OR4L1: variants seen among roughly 807,000 people sequenced by gnomAD.
The protein encoded by OR4L1 is olfactory receptor family 4 subfamily L member 1, also known as olfactory receptor 4L1.
For synonymous variants in OR4L1, 156 were observed against 135.3 expected (o/e 1.15, Z -1.06); for missense variants, 446 against 368.5 (o/e 1.21, Z -1.72).
chr14:20,060,870 A>G lies in OR4L1; in HGVS notation c.826A>G (p.Thr276Ala), dbSNP rs756572074. 6.8e-6 allele frequency: 11 copies of G among 1,609,650 alleles called. No individual in the cohort carries two copies. Among genetic ancestry groups the G allele is most frequent in the Non-Finnish European group, 1.7e-6 (2 of 1,177,508 alleles). ...ASNKTLAVFY[T>A]VITPLLNPSI... ...CAATAAAACTCTTGCCGTATTTTAT[A>G]CAGTTATCACACCCTTACTGAATCC... Residue 276 changes from threonine to alanine, a missense_variant, in exon 1 of 1, where the codon ACA (threonine) becomes GCA (alanine). By Grantham distance (58) the Thr-to-Ala change is moderately conservative. Transcript: ENST00000315683.
Position 20,060,231 on chromosome 14 carries a change from C to A in OR4L1, c.187C>A (p.Leu63Ile). ...STLHSPLYFL[L>I]GNLSFLDMCL... ...CCTTCATTCTCCCTTGTACTTTCTC[C>A]TTGGAAATCTCTCTTTTTTGGACAT... Residue 63 changes from leucine (L) to isoleucine (I), a missense_variant, in exon 1 of 1, where the codon CTT becomes ATT. Transcript: ENST00000315683. The A allele has an allele frequency of 6.2e-7, 1 of 1,606,862 alleles. No individual in the cohort carries two copies. Among genetic ancestry groups the A allele is most frequent in the Admixed American group, 1.7e-5 (1 of 59,190 alleles).
chr14:20,060,905 T>C lies in OR4L1; in HGVS notation c.861T>C (p.Tyr287=). The C allele has an allele frequency of 6.3e-7, 1 of 1,594,006 alleles. No individual in the cohort carries two copies. The highest frequency in any genetic ancestry group is 8.5e-7 in the Non-Finnish European group (1 of 1,173,300). The change falls in exon 1 of 1, where the codon TAT becomes TAC. Residue 287 remains tyrosine, a synonymous_variant. Transcript: ENST00000315683. ...VITPLLNPSI[Y]TLRNKKMQEA... Reference sequence around the variant, plus strand: ...CACCCTTACTGAATCCGAGTATTTATACCCTGAGAAATAAGAAAATGCAAG... The same window carrying C: ...CACCCTTACTGAATCCGAGTATTTACACCCTGAGAAATAAGAAAATGCAAG...
chr14:20,060,414 G>A lies in OR4L1; in HGVS notation c.370G>A (p.Val124Ile). The A allele has an allele frequency of 6.2e-7, 1 of 1,611,132 alleles. No individual in the cohort carries two copies. The highest frequency in any genetic ancestry group is 8.5e-7 in the Non-Finnish European group (1 of 1,178,798). Residue 124 changes from valine to isoleucine, a missense_variant, in exon 1 of 1, where the codon GTA (valine) becomes ATA (isoleucine). Coordinates refer to ENST00000315683, the MANE Select transcript of OR4L1 (RefSeq NM_001004717.1). ...LLIIMAFDRYVAICKPLHYRT... is the reference protein window; with the variant it reads ...LLIIMAFDRYIAICKPLHYRT... The stretch of plus-strand genomic sequence containing the variant: ...GATAATCATGGCCTTTGACAGGTAT[G>A]TAGCCATATGTAAACCCCTGCACTA...
Position 20,060,412 on chromosome 14 carries a change from A to G in OR4L1, c.368A>G (p.Tyr123Cys). 1.2e-6 allele frequency: 2 copies of G among 1,610,998 alleles called. No homozygotes were observed. The highest frequency in any genetic ancestry group is 1.7e-5 in the Admixed American group (1 of 59,564). Reference sequence around the variant, plus strand: ...CTGATAATCATGGCCTTTGACAGGTATGTAGCCATATGTAAACCCCTGCAC... The same window carrying G: ...CTGATAATCATGGCCTTTGACAGGTGTGTAGCCATATGTAAACCCCTGCAC... ...TLLIIMAFDR[Y>C]VAICKPLHYR... The change falls in exon 1 of 1, where the codon TAT becomes TGT. Residue 123 changes from tyrosine (Y) to cysteine (C), a missense_variant. Transcript: ENST00000315683.
At position 20,060,610 on chromosome 14, in the gene OR4L1, G is replaced by A. The variant is rs756284686; in HGVS notation, c.566G>A (p.Cys189Tyr). The change falls in exon 1 of 1, where the codon TGC (cysteine) becomes TAC (tyrosine). Residue 189 changes from cysteine to tyrosine, a missense_variant. Physicochemically the swap from Cys to Tyr is radical, Grantham distance 194. Coordinates refer to ENST00000315683, the MANE Select transcript of OR4L1 (RefSeq NM_001004717.1). ...CDLPLVIKLA[C>Y]IETYTLELFV... Reference sequence around the variant, plus strand: ...CTTCCCCTTGTGATCAAGCTTGCTTGCATTGAAACATACACCCTGGAATTA... The same window carrying A: ...CTTCCCCTTGTGATCAAGCTTGCTTACATTGAAACATACACCCTGGAATTA... 3.1e-6 allele frequency: 5 copies of A among 1,613,416 alleles called. No individual in the cohort carries two copies. Among genetic ancestry groups the A allele is most frequent in the Non-Finnish European group, 4.2e-6 (5 of 1,179,642 alleles).
At position 20,060,244 on chromosome 14, in the gene OR4L1, C is replaced by T. The variant is rs771019426; in HGVS notation, c.200C>T (p.Ser67Phe). 1.2e-6 allele frequency: 2 copies of T among 1,607,678 alleles called. No individual in the cohort carries two copies. The highest frequency in any genetic ancestry group is 1.7e-6 in the Non-Finnish European group (2 of 1,176,180). The change falls in exon 1 of 1, where the codon TCT becomes TTT. Residue 67 changes from serine to phenylalanine, a missense_variant. Transcript: ENST00000315683. The part of the protein sequence containing the change: ...SPLYFLLGNL[S>F]FLDMCLSTAT... The stretch of plus-strand genomic sequence containing the variant: ...TTGTACTTTCTCCTTGGAAATCTCT[C>T]TTTTTTGGACATGTGTCTCTCCACT...
At position 20,060,139 on chromosome 14, in the gene OR4L1, C is replaced by T. The variant is rs752850880; in HGVS notation, c.95C>T (p.Ser32Phe). The T allele has an allele frequency of 8.8e-6, 14 of 1,594,346 alleles. No homozygotes were observed. The African/African-American group carries it at 1.5e-4, about 17-fold the overall frequency. Residue 32 changes from serine (S) to phenylalanine (F), a missense_variant, in exon 1 of 1, where the codon TCC becomes TTC. By Grantham distance (155) the Ser-to-Phe change is radical. Transcript: ENST00000315683. ...CAAATTTTCTTCTTTGTGACATTTT[C>T]CCTGATCTACGGTGCTACTGTGATG... Reference protein sequence around the residue: ...ELQIFFFVTFSLIYGATVMGN... With the variant: ...ELQIFFFVTFFLIYGATVMGN...
At position 20,060,652 on chromosome 14, in the gene OR4L1, G is replaced by A; in HGVS notation, c.608G>A (p.Ser203Asn). The A allele has an allele frequency of 6.2e-7, 1 of 1,613,872 alleles. No individual in the cohort carries two copies. The change falls in exon 1 of 1, where the codon AGC (serine) becomes AAC (asparagine). Residue 203 changes from serine (S) to asparagine (N), a missense_variant. Physicochemically the swap from Ser to Asn is conservative, Grantham distance 46. Transcript: ENST00000315683. The part of the protein sequence containing the change: ...YTLELFVIAD[S>N]GLLSFTCFIL... ...CTGGAATTATTTGTCATTGCTGACA[G>A]CGGGCTGCTCTCTTTCACCTGTTTC...
Position 20,060,782 on chromosome 14 carries a change from G to C in OR4L1, c.738G>C (p.Val246=). The C allele has an allele frequency of 6.2e-7, 1 of 1,612,322 alleles. No homozygotes were observed. Among genetic ancestry groups the C allele is most frequent in the Non-Finnish European group, 8.5e-7 (1 of 1,179,284 alleles). Residue 246 remains valine, a synonymous_variant, in exon 1 of 1, where the codon GTG becomes GTC. Transcript: ENST00000315683. ...ALSTLSAHII[V]VTLFFGPCIF... ...CCACATTGTCTGCCCACATCATTGTGGTCACTCTGTTCTTTGGACCTTGTA... is the reference window on the plus strand; with the variant it reads ...CCACATTGTCTGCCCACATCATTGTCGTCACTCTGTTCTTTGGACCTTGTA...
chr14:20,060,930 G>A lies in OR4L1; in HGVS notation c.886G>A (p.Glu296Lys), dbSNP rs142212584. The A allele has an allele frequency of 2.4e-5, 38 of 1,576,288 alleles. No individual in the cohort carries two copies. In the African/African-American group the frequency reaches 4.9e-4, roughly 20 times the overall value. Reference protein sequence around the residue: ...IYTLRNKKMQEAIRKLRFQYV... With the variant: ...IYTLRNKKMQKAIRKLRFQYV... ...TACCCTGAGAAATAAGAAAATGCAA[G>A]AGGCCATAAGAAAATTACGGTTCCA... The change falls in exon 1 of 1, where the codon GAG (glutamate) becomes AAG (lysine). Residue 296 changes from glutamate to lysine, a missense_variant. By Grantham distance (56) the Glu-to-Lys change is moderately conservative. Coordinates refer to ENST00000315683, the MANE Select transcript of OR4L1 (RefSeq NM_001004717.1).
At position 20,060,512 on chromosome 14, in the gene OR4L1, C is replaced by T; in HGVS notation, c.468C>T (p.Ser156=). Residue 156 remains serine, a synonymous_variant, in exon 1 of 1, where the codon TCC becomes TCT. Transcript: ENST00000315683. The part of the protein sequence containing the change: ...ILSWIIGFLH[S]ISQIVLTMNL... ...CATGGATAATTGGTTTTTTACACTC[C>T]ATAAGCCAGATAGTTTTAACAATGA... 9 of 1,613,196 alleles carry T rather than the reference C, an allele frequency of 5.6e-6. No homozygotes were observed. Among genetic ancestry groups the T allele is most frequent in the Non-Finnish European group, 7.6e-6 (9 of 1,179,424 alleles).
chr14:20,060,703 T>C lies in OR4L1; in HGVS notation c.659T>C (p.Val220Ala). The C allele has an allele frequency of 6.2e-7, 1 of 1,613,918 alleles. No homozygotes were observed. The highest frequency in any genetic ancestry group is 8.5e-7 in the Non-Finnish European group (1 of 1,179,874). The change falls in exon 1 of 1, where the codon GTC (valine) becomes GCC (alanine). Residue 220 changes from valine (V) to alanine (A), a missense_variant. By Grantham distance (64) the Val-to-Ala change is moderately conservative (BLOSUM62 0). Transcript: ENST00000315683. ...ATCCTCTTGCTTGTTTCTTACATTG[T>C]CATCCTGGTCAGTGTACCAAAAAAA... ...CFILLLVSYI[V>A]ILVSVPKKSS... is the part of the protein sequence containing the mutation.
Position 20,060,489 on chromosome 14 carries a change from T to G in OR4L1, c.445T>G (p.Trp149Gly). The G allele has an allele frequency of 6.2e-7, 1 of 1,613,806 alleles. No individual in the cohort carries two copies. The highest frequency in any genetic ancestry group is 8.5e-7 in the Non-Finnish European group (1 of 1,179,804). ...GCTAAAGGGGTTTGCGATACTTTCATGGATAATTGGTTTTTTACACTCCAT... is the reference window on the plus strand; with the variant it reads ...GCTAAAGGGGTTTGCGATACTTTCAGGGATAATTGGTTTTTTACACTCCAT... ...KLLKGFAILSWIIGFLHSISQ... is the reference protein window; with the variant it reads ...KLLKGFAILSGIIGFLHSISQ... Residue 149 changes from tryptophan (W) to glycine (G), a missense_variant, in exon 1 of 1, where the codon TGG becomes GGG. Physicochemically the swap from Trp to Gly is radical, Grantham distance 184. Coordinates refer to ENST00000315683, the MANE Select transcript of OR4L1 (RefSeq NM_001004717.1).
At position 20,060,958 on chromosome 14, in the gene OR4L1, AT is replaced by A. The variant is rs1343561327; in HGVS notation, c.915del (p.Tyr305Ter). The A allele has an allele frequency of 6.5e-7, 1 of 1,545,862 alleles. No homozygotes were observed. The highest frequency in any genetic ancestry group is 8.7e-7 in the Non-Finnish European group (1 of 1,150,062). The part of the protein sequence containing the change: ...QEAIRKLRFQ[Y>X]VSSAQNF ...GCCATAAGAAAATTACGGTTCCAATATGTTAGTTCTGCACAGAATTTCTAGA... is the reference window on the plus strand; with the variant it reads ...GCCATAAGAAAATTACGGTTCCAATAGTTAGTTCTGCACAGAATTTCTAGA... On this transcript the variant is annotated frameshift_variant, in exon 1 of 1. Transcript: ENST00000315683. LOFTEE classifies it high-confidence loss of function.
Position 20,060,244 on chromosome 14 carries a change from C to CT in OR4L1, c.206dup (p.Leu69PhefsTer20). On this transcript the variant is annotated frameshift_variant, in exon 1 of 1. Transcript: ENST00000315683. LOFTEE classifies it low-confidence loss of function (END_TRUNC). ...TTGTACTTTCTCCTTGGAAATCTCT[C>CT]TTTTTTGGACATGTGTCTCTCCACT... The CT allele has an allele frequency of 6.2e-7, 1 of 1,607,678 alleles. No homozygotes were observed. Among genetic ancestry groups the CT allele is most frequent in the Non-Finnish European group, 8.5e-7 (1 of 1,176,180 alleles).
Position 20,060,187 on chromosome 14 carries a change from C to T in OR4L1, c.143C>T (p.Thr48Ile). The T allele has an allele frequency of 6.2e-7, 1 of 1,606,434 alleles. No individual in the cohort carries two copies. The highest frequency in any genetic ancestry group is 8.5e-7 in the Non-Finnish European group (1 of 1,174,942). The change falls in exon 1 of 1, where the codon ACA becomes ATA. Residue 48 changes from threonine (T) to isoleucine (I), a missense_variant. By Grantham distance (89) the Thr-to-Ile change is moderately conservative. Coordinates refer to ENST00000315683, the MANE Select transcript of OR4L1 (RefSeq NM_001004717.1). ...ATGGGAAACATTCTCATTATGGTCA[C>T]AGTGACATGTAGGTCAACCCTTCAT... ...TVMGNILIMV[T>I]VTCRSTLHSP... is the part of the protein sequence containing the mutation.
At position 20,060,322 on chromosome 14, in the gene OR4L1, C is replaced by T. The variant is rs10139756; in HGVS notation, c.278C>T (p.Ser93Phe). The change falls in exon 1 of 1, where the codon TCT becomes TTT. Residue 93 changes from serine to phenylalanine, a missense_variant. Coordinates refer to ENST00000315683, the MANE Select transcript of OR4L1 (RefSeq NM_001004717.1). ...TTGCTCACTGACCACAAGACCATCT[C>T]TGTGTGGGGCTGCGTGACCCAGATG... ...IDLLTDHKTI[S>F]VWGCVTQMFF... 8.9e-4 allele frequency: 1,430 copies of T among 1,600,170 alleles called. 6 individuals are homozygous for T. The African/African-American group carries it at 0.011, about 13-fold the overall frequency.
At position 20,060,726 on chromosome 14, in the gene OR4L1, A is replaced by T; in HGVS notation, c.682A>T (p.Lys228Ter). 1 of 1,613,788 alleles carries T rather than the reference A, an allele frequency of 6.2e-7. No individual in the cohort carries two copies. The highest frequency in any genetic ancestry group is 8.5e-7 in the Non-Finnish European group (1 of 1,179,826). ...YIVILVSVPK[K>*]SSHGLSKALS... The stretch of plus-strand genomic sequence containing the variant: ...TGTCATCCTGGTCAGTGTACCAAAA[A>T]AATCATCACATGGGCTCTCCAAGGC... The change falls in exon 1 of 1, where the codon AAA (lysine) becomes TAA (stop). Residue 228 changes from lysine to a stop codon, truncating the protein, a stop_gained. Coordinates refer to ENST00000315683, the MANE Select transcript of OR4L1 (RefSeq NM_001004717.1). LOFTEE classifies it low-confidence loss of function (END_TRUNC).
At position 20,060,927 on chromosome 14, in the gene OR4L1, C is replaced by A; in HGVS notation, c.883C>A (p.Gln295Lys). The change falls in exon 1 of 1, where the codon CAA (glutamine) becomes AAA (lysine). Residue 295 changes from glutamine (Q) to lysine (K), a missense_variant. Physicochemically the swap from Gln to Lys is moderately conservative, Grantham distance 53. Transcript: ENST00000315683. Reference protein sequence around the residue: ...SIYTLRNKKMQEAIRKLRFQY... With the variant: ...SIYTLRNKKMKEAIRKLRFQY... ...TTATACCCTGAGAAATAAGAAAATG[C>A]AAGAGGCCATAAGAAAATTACGGTT... 2 of 1,579,462 alleles carry A rather than the reference C, an allele frequency of 1.3e-6. No individual in the cohort carries two copies. The highest frequency in any genetic ancestry group is 2.7e-5 in the African/African-American group (2 of 73,606).
Sources: gnomAD v4.1 joint callset for allele counts on GRCh38, gnomAD v4.1.1 for gene constraint, MANE v1.5 for transcripts, NCBI Gene and HGNC (gene_info 2026-07-23, HGNC 2026-07-21) for gene names.